PSD3: variants seen among roughly 807,000 people sequenced by gnomAD.
PSD3 encodes pleckstrin and Sec7 domain containing 3, also known as PH and SEC7 domain-containing protein 3.
In PSD3, 49 loss-of-function variants were observed where a neutral mutation model predicts 105.5. The ratio of observed to expected loss-of-function variants is 0.46; its 90% CI spans 0.37 to 0.59. The LOEUF is 0.59. Among genes scored for constraint, PSD3 ranks in the 20% least tolerant of loss-of-function variants. The pLI, the probability that PSD3 is intolerant of heterozygous loss-of-function variation, is 0.00. For synonymous variants in PSD3, 557 were observed against 457.8 expected (o/e 1.22, Z -2.77); for missense variants, 1,561 against 1,263.8 (o/e 1.24, Z -3.57).
At chr8:18,661,914 G>A (rs780090422) in intron 9 of PSD3, among the ~76,000 whole-genome samples, 8 of 152,098 alleles carry the variant, frequency 5.3e-5, no homozygotes, top group Non-Finnish European at 7.4e-5. Context: ...CGCCACATTA[G>A]AGAATGTATA....
intron 1 of PSD3, among the ~76,000 whole-genome samples, chr8:18,949,467 C>A (rs1488509537): frequency 6.6e-6 from 1 of 150,956 alleles, no homozygotes; most frequent in Non-Finnish European, 1.5e-5. Context: ...TAAAATAACA[C>A]ACGAAATATT....
intron 9 of PSD3, among the ~76,000 whole-genome samples, chr8:18,740,209 G>A (rs1804456941): frequency 6.6e-6 from 1 of 152,128 alleles, no homozygotes; most frequent in Non-Finnish European, 1.5e-5. Context: ...CGCAAAACTG[G>A]ACGCTGACAC....
At chr8:19,025,822 T>C (rs1265617791) in intron 1 of PSD3, among the ~76,000 whole-genome samples, 1 of 152,208 alleles carries the variant, frequency 6.6e-6, no homozygotes, top group Admixed American at 6.5e-5. Context: ...CCCATACATT[T>C]AGTGTCAGAA....
chr8:18,949,244 A>AAAAAAAAATAT (rs1345423514), intron 1 of PSD3, among the ~76,000 whole-genome samples: 13 of 14,404 alleles, frequency 9.0e-4, no homozygotes, highest in Admixed American at 1.6e-3. Context: ...AAAAAAAAAA[A>AAAAAAAAATAT]ATATATATAT....
At chr8:19,019,138 C>T (rs1025561447) in intron 1 of PSD3, among the ~76,000 whole-genome samples, 29 of 152,222 alleles carry the variant, frequency 1.9e-4, no homozygotes, top group Admixed American at 7.2e-4. Context: ...AGGTAATTTA[C>T]TTAGCTCTGG....
At chr8:18,575,386 A>G (rs1172795772) in intron 12 of PSD3, 101 bp from the exon 13 acceptor site, 2 of 1,139,852 alleles carry the variant, frequency 1.8e-6, no homozygotes, top group African/African-American at 3.2e-5. Context: ...AGGAAATCCA[A>G]GTAAGTGAAT....
intron 1 of PSD3, among the ~76,000 whole-genome samples, chr8:18,975,314 A>AATTTTTTTTTTTTTTTTTT (rs1491401616): frequency 6.9e-6 from 1 of 144,316 alleles, no homozygotes. Flanking sequence ...ATTTTCTGAA[A>AATTTTTTTTTTTTTTTTTT]TTTTTTTTTT....
chr8:18,723,807 C>G (rs777933456), intron 9 of PSD3, among the ~76,000 whole-genome samples: 9 of 152,176 alleles, frequency 5.9e-5, no homozygotes, highest in Non-Finnish European at 1.3e-4. Flanking sequence ...TTAATTCTGA[C>G]TTAAATTTCT....
chr8:18,570,959 A>T (rs1326233706), intron 14 of PSD3, among the ~76,000 whole-genome samples: 2 of 151,846 alleles, frequency 1.3e-5, no homozygotes, highest in Admixed American at 1.3e-4. Context: ...TCCTGGGTTC[A>T]ACCAGTTCTC....
At chr8:18,976,940 TGATA>T (rs1225642369) in intron 1 of PSD3, among the ~76,000 whole-genome samples, 1 of 152,182 alleles carries the variant, frequency 6.6e-6, no homozygotes, top group Non-Finnish European at 1.5e-5. Flanking sequence ...CTGTACATGC[TGATA>T]GAGAAAGATT....
chr8:18,725,945 G>T (rs1166451311), intron 9 of PSD3, among the ~76,000 whole-genome samples: 3 of 152,140 alleles, frequency 2.0e-5, no homozygotes, highest in Non-Finnish European at 4.4e-5. Flanking sequence ...TTCATGTCCC[G>T]CCCACTTCCA....
intron 3 of PSD3, among the ~76,000 whole-genome samples, chr8:18,871,320 T>C (rs1586284016): frequency 1.3e-5 from 2 of 152,282 alleles, no homozygotes; most frequent in Admixed American, 1.3e-4. Flanking sequence ...TTGGGAAACT[T>C]GAAATCTGTC....
At chr8:18,758,732 T>G (rs1806266230) in intron 9 of PSD3, among the ~76,000 whole-genome samples, 1 of 152,144 alleles carries the variant, frequency 6.6e-6, no homozygotes, top group Admixed American at 6.5e-5. Context: ...GGCTAATTAC[T>G]CCATCATTTT....
intron 4 of PSD3, among the ~76,000 whole-genome samples, chr8:18,829,081 T>A (rs1032884235): frequency 5.3e-5 from 8 of 151,526 alleles, no homozygotes; most frequent in African/African-American, 1.7e-4. Context: ...AAAAAAAAAA[T>A]ACTGAAAATT....
At chr8:18,779,797 T>C (rs1007286166) in intron 8 of PSD3, among the ~76,000 whole-genome samples, 7 of 152,208 alleles carry the variant, frequency 4.6e-5, no homozygotes, top group African/African-American at 1.4e-4. Flanking sequence ...AGAAGATACG[T>C]GATATTATTT....
intron 1 of PSD3, among the ~76,000 whole-genome samples, chr8:18,982,953 G>C (rs1283284838): frequency 1.3e-5 from 2 of 152,194 alleles, no homozygotes; most frequent in African/African-American, 4.8e-5. Context: ...GCCAGGCATT[G>C]ACTTCTCTGT....
chr8:18,808,453 C>T (rs1403221079), intron 4 of PSD3, among the ~76,000 whole-genome samples: 1 of 152,204 alleles, frequency 6.6e-6, no homozygotes, highest in Non-Finnish European at 1.5e-5. Flanking sequence ...TCATTCCATT[C>T]CTCATGTTAC....
intron 1 of PSD3, among the ~76,000 whole-genome samples, chr8:19,029,639 A>G (rs941726844): frequency 1.3e-5 from 2 of 152,286 alleles, no homozygotes; most frequent in Middle Eastern, 3.4e-3. Context: ...GAACATCTCC[A>G]TGACTAAATT....
intron 3 of PSD3, among the ~76,000 whole-genome samples, chr8:18,871,004 T>C (rs574603095): frequency 6.6e-6 from 1 of 152,046 alleles, no homozygotes; most frequent in East Asian, 1.9e-4. Context: ...AGGGCTGAGG[T>C]GGGAGGATCT....
Sources: allele counts gnomAD v4.1 joint callset (sites outside exome capture counted in the v4.1 genomes callset), GRCh38; gene constraint gnomAD v4.1.1; transcripts MANE v1.5; gene names NCBI Gene and HGNC (gene_info 2026-07-23, HGNC 2026-07-21).